The following GPR65 variants were observed in gnomAD, a reference collection of about 807,000 sequenced individuals.
The protein encoded by GPR65 is T-cell death-associated gene 8 protein.
In GPR65, 2 loss-of-function variants were observed where a neutral mutation model predicts 0.7. The ratio of observed to expected loss-of-function variants is 2.83; its 90% confidence interval spans 1.16 to 8.92. The LOEUF (loss-of-function observed/expected upper bound fraction) is 8.92, where lower values mean the gene tolerates loss of function less well. GPR65 is among the 30% of genes most tolerant of loss of function. GPR65 has a pLI of 0.04. For synonymous variants in GPR65, 128 were observed against 146.5 expected, an observed-to-expected ratio of 0.87 and a Z score of 0.91; for missense variants, 379 against 399.4, an observed-to-expected ratio of 0.95 and a Z score of 0.43.
At chr14:88,010,258 C>T (rs1887653523) in intron 1 of GPR65, 131 bp from the exon 2 acceptor site, 1 of 152,164 alleles carries the variant, frequency 6.6e-6, no homozygotes, top group South Asian at 2.1e-4. Flanking sequence ...TTTTAAACAC[C>T]TTCACTGTAA....
At chr14:88,007,980 A>T (rs1297511711) in intron 1 of GPR65, among the ~76,000 whole-genome samples, 1 of 152,088 alleles carries the variant, frequency 6.6e-6, no homozygotes. Context: ...AGTTATTTTC[A>T]TAATTAGGTA....
intron 1 of GPR65, among the ~76,000 whole-genome samples, chr14:88,005,661 G>A (rs1262513344): frequency 1.3e-5 from 2 of 152,088 alleles, no homozygotes; most frequent in African/African-American, 4.8e-5. Context: ...ATTAATAAAT[G>A]TCAAGTAATA....
In GPR65 at chr14:88,014,141, A is replaced by T. The variant is rs977238306; in HGVS notation, c.*2280A>T. 6.6e-6 allele frequency: 1 copy of T among 152,154 alleles called. No individual in the cohort carries two copies. Among genetic ancestry groups the T allele is most frequent in the African/African-American group, 2.4e-5 (1 of 41,424 alleles). 9.4% of individuals were successfully genotyped at this position (152,154 alleles called of 1,614,324 possible). ...TGGAAAGCTCGGCAATCATCAGGTC[A>T]TTTCATTTGGCTTAAATTCCATGTG... On this transcript the variant is annotated 3_prime_UTR_variant, in exon 2 of 2. Coordinates refer to ENST00000267549, the MANE Select transcript of GPR65 (RefSeq NM_003608.4).
At chr14:88,005,415 T>C (rs1191566439) in intron 1 of GPR65, among the ~76,000 whole-genome samples, 193 bp downstream of exon 1, 3 of 152,086 alleles carry the variant, frequency 2.0e-5, no homozygotes, top group Non-Finnish European at 4.4e-5. Flanking sequence ...AGGGCCAAAC[T>C]TTAAATTTAG....
At chr14:88,005,376 A>C (rs753098631) in intron 1 of GPR65, among the ~76,000 whole-genome samples, 154 bp downstream of exon 1, 7 of 152,224 alleles carry the variant, frequency 4.6e-5, no homozygotes, top group Non-Finnish European at 8.8e-5. Context: ...AGGAAGACAC[A>C]TGGTTTCCTC....
chr14:88,014,013 GATA>G lies in GPR65; in HGVS notation c.*2156_*2158del. The G allele has an allele frequency of 6.6e-6, 1 of 152,258 alleles. No homozygotes were observed. The highest frequency in any genetic ancestry group is 6.5e-5 in the Admixed American group (1 of 15,288). The allele number at this position is 152,258 out of a possible 1,614,324, so 9.4% of individuals were successfully genotyped here. A position where few individuals can be genotyped will look rare whatever the true frequency, so the allele number is the denominator to read the frequency against. ...ACTCCAGAAGAGCGGAGGAACCCAGGATAATATTTTGTCAACCAAGAAACAAGA... is the reference window on the plus strand; with the variant it reads ...ACTCCAGAAGAGCGGAGGAACCCAGGATATTTTGTCAACCAAGAAACAAGA... On this transcript the variant is annotated 3_prime_UTR_variant, in exon 2 of 2. Transcript: ENST00000267549.
intron 1 of GPR65, among the ~76,000 whole-genome samples, chr14:88,006,481 G>T (rs1887595752): frequency 6.6e-6 from 1 of 152,178 alleles, no homozygotes; most frequent in Non-Finnish European, 1.5e-5. Context: ...CTACAAAGAA[G>T]AGGGCCTCTG....
chr14:88,007,517 C>T (rs1018833078), intron 1 of GPR65, among the ~76,000 whole-genome samples: 4 of 151,324 alleles, frequency 2.6e-5, no homozygotes, highest in African/African-American at 9.7e-5. Context: ...CAGTTGGTTA[C>T]TCCCTGTGTT....
rs781095976 is a variant in GPR65 at position 88,011,896 on chromosome 14, G to A, written c.*35G>A. On this transcript the variant is annotated 3_prime_UTR_variant, in exon 2 of 2. Coordinates refer to ENST00000267549, the MANE Select transcript of GPR65 (RefSeq NM_003608.4). ...TGTTTTGAAGGGAAGGGAAGTTTAA[G>A]TTATGCATTATTATATCATCAAGAT... 11 of 1,409,562 alleles carry A rather than the reference G, an allele frequency of 7.8e-6. No homozygotes were observed. Among genetic ancestry groups the A allele is most frequent in the Admixed American group, 6.8e-5 (3 of 44,406 alleles). 87.3% of individuals were successfully genotyped at this position (1,409,562 alleles called of 1,614,324 possible). A position where few individuals can be genotyped will look rare whatever the true frequency, so the allele number is the denominator to read the frequency against.
intron 1 of GPR65, among the ~76,000 whole-genome samples, chr14:88,009,237 G>A (rs1056379291): frequency 6.6e-5 from 10 of 151,844 alleles, no homozygotes; most frequent in African/African-American, 2.2e-4. Flanking sequence ...GAGCTCCGGC[G>A]CTCACTCACC....
Position 88,011,654 on chromosome 14 carries a change from C to T in GPR65, c.807C>T (p.Tyr269=), listed in dbSNP as rs777602958. 1.9e-6 allele frequency: 3 copies of T among 1,613,794 alleles called. No homozygotes were observed. The highest frequency in any genetic ancestry group is 1.7e-5 in the Admixed American group (1 of 59,996). ...EDHSNSGKRT[Y]TMYRITVALT... ...ACAGCAATTCTGGGAAGCGAACTTACACAATGTATAGAATCACGGTTGCAT... is the reference window on the plus strand; with the variant it reads ...ACAGCAATTCTGGGAAGCGAACTTATACAATGTATAGAATCACGGTTGCAT... Residue 269 remains tyrosine, a synonymous_variant, in exon 2 of 2, where the codon TAC becomes TAT. Transcript: ENST00000267549.
rs770829884 is a variant in GPR65, at chr14:88,011,210, GT to G, written c.371del (p.Phe124SerfsTer2). 9 of 1,613,366 alleles carry G rather than the reference GT, an allele frequency of 5.6e-6. No homozygotes were observed. In the Middle Eastern group the frequency reaches 4.9e-4, roughly 88 times the overall value. ...RYLAVVYPLK[F>X]FFLRTRRFAL... ...ATTTGGCTGTTGTCTACCCTTTGAAGTTTTTTTTCCTAAGGACAAGAAGATT... is the reference window on the plus strand; with the variant it reads ...ATTTGGCTGTTGTCTACCCTTTGAAGTTTTTTTCCTAAGGACAAGAAGATT... On this transcript the variant is annotated frameshift_variant, in exon 2 of 2. Transcript: ENST00000267549. LOFTEE classifies it low-confidence loss of function (END_TRUNC).
Position 88,011,867 on chromosome 14 carries a change from A to G in GPR65, c.*6A>G, listed in dbSNP as rs753923333. ...AATTAGAGGTCCTTGAGTAGAACCAAGGATGTTTTGAAGGGAAGGGAAGTT... is the reference window on the plus strand; with the variant it reads ...AATTAGAGGTCCTTGAGTAGAACCAGGGATGTTTTGAAGGGAAGGGAAGTT... On this transcript the variant is annotated 3_prime_UTR_variant, in exon 2 of 2. Coordinates refer to ENST00000267549, the MANE Select transcript of GPR65 (RefSeq NM_003608.4). The G allele has an allele frequency of 3.3e-6, 5 of 1,526,396 alleles. No individual in the cohort carries two copies. The highest frequency in any genetic ancestry group is 2.2e-5 in the Admixed American group (1 of 46,290). 94.6% of individuals were successfully genotyped at this position (1,526,396 alleles called of 1,614,324 possible).
intron 1 of GPR65, among the ~76,000 whole-genome samples, chr14:88,008,285 A>G (rs1329920060): frequency 6.6e-6 from 1 of 152,192 alleles, no homozygotes; most frequent in Non-Finnish European, 1.5e-5. Flanking sequence ...GAACATTGCC[A>G]AATCTCAGAA....
At chr14:88,005,554 G>A (rs992557150) in intron 1 of GPR65, among the ~76,000 whole-genome samples, 2 of 152,164 alleles carry the variant, frequency 1.3e-5, no homozygotes, top group Non-Finnish European at 2.9e-5. Context: ...TGGCTTTAGA[G>A]CTATCTGGCA....
rs1201745957 is a variant in GPR65, at chr14:88,011,636, T to C, written c.789T>C (p.Asn263=). The C allele has an allele frequency of 1.2e-6, 2 of 1,613,986 alleles. No homozygotes were observed. ...EHAVNFEDHS[N]SGKRTYTMYR... is the part of the protein sequence containing the mutation. ...CTGTGAACTTCGAAGACCACAGCAA[T>C]TCTGGGAAGCGAACTTACACAATGT... is the stretch of plus-strand genomic sequence containing the variant. The change falls in exon 2 of 2, where the codon AAT becomes AAC. Residue 263 remains asparagine (N), a synonymous_variant. Coordinates refer to ENST00000267549, the MANE Select transcript of GPR65 (RefSeq NM_003608.4).
intron 1 of GPR65, among the ~76,000 whole-genome samples, chr14:88,007,792 ATGTGTGTGTG>A (rs3994051): frequency 1.5e-5 from 2 of 136,164 alleles, no homozygotes; most frequent in African/African-American, 5.6e-5. Flanking sequence ...CTCTGTGTGT[ATGTGTGTGTG>A]TGTGTGTGTG....
At chr14:88,009,823 C>T (rs185017993) in intron 1 of GPR65, among the ~76,000 whole-genome samples, 48 of 151,994 alleles carry the variant, frequency 3.2e-4, no homozygotes, top group African/African-American at 9.9e-4. Context: ...GTGAGTTAGT[C>T]GACAAAGGAA....
intron 1 of GPR65, among the ~76,000 whole-genome samples, 175 bp from the exon 2 acceptor site, chr14:88,010,214 T>A (rs1887653018): frequency 6.6e-6 from 1 of 152,224 alleles, no homozygotes. Flanking sequence ...TTGACTTGAT[T>A]TTATTTACTG....
Sources: gnomAD v4.1 joint callset for allele counts (sites outside exome capture counted in the v4.1 genomes callset) on GRCh38, gnomAD v4.1.1 for gene constraint, MANE v1.5 for transcripts, NCBI Gene and HGNC (gene_info 2026-07-23, HGNC 2026-07-21) for gene names.